CCDC171: variants seen among roughly 807,000 people sequenced by gnomAD.
CCDC171 encodes the protein coiled-coil domain containing 171.
CCDC171 carries 177 observed loss-of-function variants against 168.2 expected under a neutral mutation model. That is an observed-to-expected ratio of 1.05 (90% CI 0.93 to 1.19). The LOEUF (loss-of-function observed/expected upper bound fraction) is 1.19, where lower values mean the gene tolerates loss of function less well. CCDC171 is among the 50% of genes most tolerant of loss of function. The pLI is 0.00. For missense variants in CCDC171, 1,991 were observed against 1,539.0 expected (o/e 1.29, Z -4.91); for synonymous variants, 687 against 540.8 (o/e 1.27, Z -3.75).
chr9:15,734,547 AAAATAAATAAAT>A (rs139699577), intron 16 of CCDC171, among the ~76,000 whole-genome samples: 1 of 152,084 alleles, frequency 6.6e-6, no homozygotes, highest in African/African-American at 2.4e-5. Flanking sequence ...ACTCCATTTA[AAAATAAATAAAT>A]AAATAAATAA....
At chr9:15,769,332 G>A (rs962838796) in intron 18 of CCDC171, among the ~76,000 whole-genome samples, 6 of 152,136 alleles carry the variant, frequency 3.9e-5, no homozygotes, top group East Asian at 1.9e-4. Context: ...TTATGATTGG[G>A]TAGTATATTC....
At chr9:15,921,423 C>G (rs970884331) in intron 25 of CCDC171, among the ~76,000 whole-genome samples, 6 of 151,630 alleles carry the variant, frequency 4.0e-5, no homozygotes, top group African/African-American at 1.5e-4. Flanking sequence ...TTATTTTTTT[C>G]CCCTCTAGCA....
chr9:15,589,027 C>T (rs1413101058), intron 4 of CCDC171, among the ~76,000 whole-genome samples: 1 of 151,608 alleles, frequency 6.6e-6, no homozygotes, highest in African/African-American at 2.4e-5. Flanking sequence ...TTTTTTAGAG[C>T]TATGTTGTTG....
rs1302515501 is a variant in CCDC171 at position 15,850,759 on chromosome 9, C to T, written c.3468+1812C>T. On this transcript the variant is annotated intron_variant, in intron 23 of 25. Transcript: ENST00000380701. ...GCCCACCTGTCTTCGTGCCAGAGTT[C>T]AATAGGTTTATTTTTCTGGCCACCT... 4.6e-5 allele frequency among the ~76,000 whole-genome samples: 7 copies of T among 151,866 alleles called. No individual in the cohort carries two copies. In the East Asian group the frequency reaches 1.2e-3, roughly 25 times the overall value.
intron 3 of CCDC171, among the ~76,000 whole-genome samples, chr9:15,576,428 C>T (rs1587083556): frequency 6.6e-6 from 1 of 151,952 alleles, no homozygotes; most frequent in Non-Finnish European, 1.5e-5. Context: ...CCTCAAGCAA[C>T]CCTCCCTCAT....
At chr9:15,919,338 A>G (rs1236702476) in intron 24 of CCDC171, among the ~76,000 whole-genome samples, 3 of 151,658 alleles carry the variant, frequency 2.0e-5, no homozygotes, top group African/African-American at 4.8e-5. Flanking sequence ...TGCATTCACA[A>G]CTGCTCAAAT....
intron 6 of CCDC171, among the ~76,000 whole-genome samples, chr9:15,603,870 C>T (rs1214051826): frequency 6.6e-6 from 1 of 152,204 alleles, no homozygotes; most frequent in African/African-American, 2.4e-5. Context: ...TTCCCACCAA[C>T]ACTGTAAAAG....
chr9:16,087,298 T>G, the CCDC171 span, among the ~76,000 whole-genome samples: 1 of 152,264 alleles, frequency 6.6e-6, no homozygotes, highest in East Asian at 1.9e-4. Context: ...TAATTTTCTG[T>G]CTCGTTGTTC....
chr9:15,822,449 A>C (rs79590312), intron 21 of CCDC171, among the ~76,000 whole-genome samples: 70,565 of 151,084 alleles, frequency 0.47, 16,790 homozygotes, highest in African/African-American at 0.53. Flanking sequence ...CAAAGGGCTA[A>C]TATCCAGAAT....
At chr9:15,834,197 T>C (rs1483496949) in intron 21 of CCDC171, among the ~76,000 whole-genome samples, 1 of 152,166 alleles carries the variant, frequency 6.6e-6, no homozygotes, top group Non-Finnish European at 1.5e-5. Flanking sequence ...TTCAGAAATA[T>C]TTAATTTAAT....
In CCDC171 at chr9:15,578,852, G is replaced by C; in HGVS notation, c.181G>C (p.Ala61Pro). Residue 61 changes from alanine (A) to proline (P), a missense_variant, in exon 4 of 26, where the codon GCA (alanine) becomes CCA (proline). Transcript: ENST00000380701. Reference sequence around the variant, plus strand: ...GATATCAGGAATCTGTTTTTAGCTGGCAAGCTATGAGAGCCAGATTGCCAA... The same window carrying C: ...GATATCAGGAATCTGTTTTTAGCTGCCAAGCTATGAGAGCCAGATTGCCAA... ...EITTKHNAEL[A>P]SYESQIAKLR... is the part of the protein sequence containing the mutation. 6.2e-7 allele frequency: 1 copy of C among 1,610,814 alleles called. No homozygotes were observed.
intron 21 of CCDC171, among the ~76,000 whole-genome samples, chr9:15,789,993 G>A (rs1028419702): frequency 6.6e-6 from 1 of 152,058 alleles, no homozygotes; most frequent in Non-Finnish European, 1.5e-5. Flanking sequence ...TCTTAATCCA[G>A]TCTATCATGG....
chr9:15,749,513 A>G (rs2055563377), intron 18 of CCDC171, among the ~76,000 whole-genome samples: 1 of 152,202 alleles, frequency 6.6e-6, no homozygotes, highest in African/African-American at 2.4e-5. Context: ...AATCAAAGGA[A>G]TAAACATTCT....
chr9:15,778,643 CA>C lies in CCDC171; in HGVS notation c.2899-303del, dbSNP rs527592822. ...CCTGGCCTACAGAGTAAGACTGTCT[CA>C]AAAAAAAAAAAAAAAAAAAAAGGCA... On this transcript the variant is annotated intron_variant, in intron 19 of 25. Coordinates refer to ENST00000380701, the MANE Select transcript of CCDC171 (RefSeq NM_173550.4). Among the ~76,000 whole-genome samples the C allele has an allele frequency of 4.4e-3, 258 of 58,778 alleles. 1 individual carries two copies. Among genetic ancestry groups the C allele is most frequent in the African/African-American group, 0.014 (212 of 14,976 alleles). The allele number at this position is 58,778 out of a possible 152,430, so 38.6% of individuals were successfully genotyped here. A position where few individuals can be genotyped will look rare whatever the true frequency, so the allele number is the denominator to read the frequency against.
At chr9:16,019,983 A>T (rs1833118780) in intron 3 of CCDC171, among the ~76,000 whole-genome samples, 1 of 152,230 alleles carries the variant, frequency 6.6e-6, no homozygotes, top group Admixed American at 6.5e-5. Context: ...AAAATATAAT[A>T]GTTCCCCTTT....
intron 13 of CCDC171, among the ~76,000 whole-genome samples, chr9:15,724,389 G>T (rs1256747660): frequency 6.6e-6 from 1 of 152,290 alleles, no homozygotes; most frequent in East Asian, 1.9e-4. Context: ...ATTTCTATAA[G>T]TGGTTGGGAT....
chr9:15,971,381 C>T (rs1248247514), intron 25 of CCDC171, among the ~76,000 whole-genome samples: 2 of 152,046 alleles, frequency 1.3e-5, no homozygotes, highest in Non-Finnish European at 2.9e-5. Context: ...AGTGTTTAGA[C>T]AAATTCTTGT....
At chr9:16,077,556 C>T in the CCDC171 span, among the ~76,000 whole-genome samples, 1 of 152,144 alleles carries the variant, frequency 6.6e-6, no homozygotes, top group Non-Finnish European at 1.5e-5. Context: ...GAGAAGAAAA[C>T]ACCTGATCCA....
At position 15,895,863 on chromosome 9, in the gene CCDC171, A is replaced by G. The variant is rs112195449; in HGVS notation, c.3600+21200A>G. On this transcript the variant is annotated intron_variant, in intron 24 of 25. Coordinates refer to ENST00000380701, the MANE Select transcript of CCDC171 (RefSeq NM_173550.4). Reference sequence around the variant, plus strand: ...AGGCTGCTTAAATTTCTAAGTCCCTAAAGTAAGGCAATTTATTAGTATTGG... The same window carrying G: ...AGGCTGCTTAAATTTCTAAGTCCCTGAAGTAAGGCAATTTATTAGTATTGG... Among the ~76,000 whole-genome samples the G allele has an allele frequency of 7.3e-3, 1,107 of 152,160 alleles. 9 individuals carry two copies. Among genetic ancestry groups the G allele is most frequent in the Non-Finnish European group, 0.01 (692 of 67,954 alleles).
Sources: allele counts gnomAD v4.1 joint callset (sites outside exome capture counted in the v4.1 genomes callset), GRCh38; gene constraint gnomAD v4.1.1; transcripts MANE v1.5; gene names NCBI Gene and HGNC (gene_info 2026-07-23, HGNC 2026-07-21).